The following USH2A variants were observed in gnomAD, a reference collection of about 807,000 sequenced individuals.
USH2A encodes the protein usherin, also known as Usher syndrome 2A (autosomal recessive, mild).
In USH2A, 443 loss-of-function variants were observed where a neutral mutation model predicts 538.9. The ratio of observed to expected loss-of-function variants is 0.82; its 90% CI spans 0.76 to 0.89. The LOEUF is 0.89. Ranked by LOEUF, USH2A falls within the 40% of genes least tolerant of loss-of-function variation. The pLI is 0.00. For synonymous variants in USH2A, 2,413 were observed against 2,273.5 expected, an observed-to-expected ratio of 1.06 and a Z score of -1.75; for missense variants, 6,633 against 6,324.8, an observed-to-expected ratio of 1.05 and a Z score of -1.65.
chr1:216,166,867 TATTCTTCC>T (rs1218905603), intron 21 of USH2A, among the ~76,000 whole-genome samples: 1 of 152,098 alleles, frequency 6.6e-6, no homozygotes, highest in African/African-American at 2.4e-5. Context: ...CTTAAGTCCT[TATTCTTCC>T]TTTATGATAT....
At chr1:216,051,715 C>A (rs1223996453) in intron 30 of USH2A, among the ~76,000 whole-genome samples, 1 of 152,138 alleles carries the variant, frequency 6.6e-6, no homozygotes, top group African/African-American at 2.4e-5. Context: ...ATAGGAACAC[C>A]ATGCCCAAAA....
intron 36 of USH2A, among the ~76,000 whole-genome samples, chr1:215,969,794 T>C (rs1459182030): frequency 6.6e-6 from 1 of 152,164 alleles, no homozygotes; most frequent in Non-Finnish European, 1.5e-5. Context: ...GTAATATTTA[T>C]ATAATATACT....
Position 215,934,847 on chromosome 1 carries a change from C to G in USH2A, c.7121-52G>C, listed in dbSNP as rs768359113. 4 of 1,495,776 alleles carry G rather than the reference C, an allele frequency of 2.7e-6. 1 individual carries two copies. In the South Asian group the frequency reaches 4.9e-5, roughly 18 times the overall value. 92.7% of individuals were successfully genotyped at this position (1,495,776 alleles called of 1,614,324 possible). ...TAAATACATATTTAAGAATTCATTC[C>G]TGCTATTATTTGAGTATTTTCTTGA... On this transcript the variant is annotated intron_variant, in intron 37 of 71. Coordinates refer to ENST00000307340, the MANE Select transcript of USH2A (RefSeq NM_206933.4).
chr1:215,814,649 C>G (rs569312186), intron 48 of USH2A, among the ~76,000 whole-genome samples: 1 of 152,146 alleles, frequency 6.6e-6, no homozygotes, highest in Admixed American at 6.6e-5. Flanking sequence ...TGAAGAAGGT[C>G]CTTGCTTCCC....
chr1:215,965,123 G>A (rs977100953), intron 37 of USH2A, among the ~76,000 whole-genome samples, 194 bp downstream of exon 37: 3 of 152,108 alleles, frequency 2.0e-5, no homozygotes, highest in Non-Finnish European at 2.9e-5. Flanking sequence ...CATCAGATGT[G>A]GCTGTTGCTG....
chr1:215,696,447 C>T (rs1358503473), intron 61 of USH2A, among the ~76,000 whole-genome samples: 1 of 152,188 alleles, frequency 6.6e-6, no homozygotes, highest in Non-Finnish European at 1.5e-5. Context: ...CTCTCTGTCA[C>T]TCAGGGGCTG....
At chr1:215,757,486 G>A (rs887520151) in intron 58 of USH2A, among the ~76,000 whole-genome samples, 2 of 152,266 alleles carry the variant, frequency 1.3e-5, no homozygotes, top group Middle Eastern at 3.4e-3. Context: ...TAACCATTTG[G>A]TGCCACTTTG....
chr1:216,352,581 G>A (rs1571731143), intron 4 of USH2A, among the ~76,000 whole-genome samples: 1 of 152,088 alleles, frequency 6.6e-6, no homozygotes, highest in Admixed American at 6.6e-5. Flanking sequence ...TTTGCTAAAA[G>A]GAGAGCAAAT....
At chr1:216,373,816 CG>C (rs1404921048) in intron 3 of USH2A, among the ~76,000 whole-genome samples, 1 of 152,004 alleles carries the variant, frequency 6.6e-6, no homozygotes, top group African/African-American at 2.4e-5. Flanking sequence ...ATGTTTATTG[CG>C]GCCCTATTCA....
chr1:215,741,605 G>A lies in USH2A; in HGVS notation c.11549-68C>T. On this transcript the variant is annotated intron_variant, in intron 59 of 71. Transcript: ENST00000307340. Reference sequence around the variant, plus strand: ...AGGAAAAGAACTACATATTCATACAGAAGGGTAATGATATCATGAAAATTA... The same window carrying A: ...AGGAAAAGAACTACATATTCATACAAAAGGGTAATGATATCATGAAAATTA... The A allele has an allele frequency of 1.9e-6, 3 of 1,542,198 alleles. No homozygotes were observed. In the South Asian group the frequency reaches 3.5e-5, roughly 18 times the overall value.
At position 215,728,250 on chromosome 1, in the gene USH2A, C is replaced by T. The variant is rs1558072174; in HGVS notation, c.11846G>A (p.Gly3949Asp). The T allele has an allele frequency of 6.2e-7, 1 of 1,614,114 alleles. No homozygotes were observed. Among genetic ancestry groups the T allele is most frequent in the Admixed American group, 1.7e-5 (1 of 60,012 alleles). ...EYRVRACNSK[G>D]SVESLWSLTQ... ...TAATGACCACAGACTCTCCACTGAA[C>T]CCTTGGAGTTACAGGCTCTGACCCG... The change falls in exon 61 of 72, where the codon GGT (glycine) becomes GAT (aspartate). Residue 3949 changes from glycine to aspartate, a missense_variant. Coordinates refer to ENST00000307340, the MANE Select transcript of USH2A (RefSeq NM_206933.4).
At chr1:215,874,170 C>T (rs1200242447) in intron 43 of USH2A, among the ~76,000 whole-genome samples, 2 of 152,158 alleles carry the variant, frequency 1.3e-5, no homozygotes, top group Non-Finnish European at 2.9e-5. Context: ...ATGATAACAG[C>T]ACGTTCGCCA....
At chr1:216,317,821 C>T (rs2037537212) in intron 9 of USH2A, among the ~76,000 whole-genome samples, 1 of 151,888 alleles carries the variant, frequency 6.6e-6, no homozygotes, top group Non-Finnish European at 1.5e-5. Context: ...CCACTGCACT[C>T]CAGCCTCGGT....
chr1:216,421,595 C>T (rs1044407442), intron 2 of USH2A, among the ~76,000 whole-genome samples: 8 of 152,268 alleles, frequency 5.3e-5, no homozygotes, highest in East Asian at 3.9e-4. Flanking sequence ...CCAAAGGTCG[C>T]GCTAAGCTAT....
At chr1:216,268,912 T>C (rs1252058237) in intron 11 of USH2A, among the ~76,000 whole-genome samples, 1 of 152,164 alleles carries the variant, frequency 6.6e-6, no homozygotes, top group Non-Finnish European at 1.5e-5. Flanking sequence ...TTACTTTGTC[T>C]AGTTTTCTCC....
At chr1:215,860,949 A>G (rs1664297876) in intron 44 of USH2A, among the ~76,000 whole-genome samples, 1 of 152,174 alleles carries the variant, frequency 6.6e-6, no homozygotes, top group African/African-American at 2.4e-5. Context: ...TCCAAGTTCT[A>G]TGGTGCAGGG....
At chr1:216,049,452 T>TA (rs969928559) in intron 30 of USH2A, among the ~76,000 whole-genome samples, 5 of 152,116 alleles carry the variant, frequency 3.3e-5, no homozygotes, top group African/African-American at 4.8e-5. Context: ...TCCTGTGAAT[T>TA]AAAAAAAATC....
At chr1:215,758,120 C>G (rs1432689567) in intron 58 of USH2A, among the ~76,000 whole-genome samples, 2 of 151,644 alleles carry the variant, frequency 1.3e-5, no homozygotes, top group African/African-American at 4.8e-5. Context: ...ACTGTCTCTA[C>G]TAAAAACAAT....
intron 3 of USH2A, among the ~76,000 whole-genome samples, chr1:216,417,122 A>T (rs1441029718): frequency 6.6e-6 from 1 of 152,080 alleles, no homozygotes; most frequent in Non-Finnish European, 1.5e-5. Context: ...CCCTTTGTGT[A>T]TCATTTCAAC....
Sources: gnomAD v4.1 joint callset for allele counts (sites outside exome capture counted in the v4.1 genomes callset) on GRCh38, gnomAD v4.1.1 for gene constraint, MANE v1.5 for transcripts, NCBI Gene and HGNC (gene_info 2026-07-23, HGNC 2026-07-21) for gene names.